Variants in RNF145 observed in about 807,000 individuals in gnomAD.
RNF145 encodes ring finger protein 145.
A neutral mutation model predicts 57.3 loss-of-function variants in RNF145; 12 were observed. The observed-to-expected ratio is 0.21, with a 90% CI of 0.13 to 0.34. RNF145 has a LOEUF of 0.34. Ranked by LOEUF, RNF145 falls within the 10% of genes least tolerant of loss-of-function variation. The probability of loss-of-function intolerance (pLI) is 1.00; values close to 1 mark genes in which losing one functional copy is unlikely to be tolerated. For synonymous variants in RNF145, 262 were observed against 288.3 expected (o/e 0.91, Z 0.92); for missense variants, 429 against 799.0 (o/e 0.54, Z 5.58).
At chr5:159,184,500 A>T (rs1784996469) in intron 3 of RNF145, among the ~76,000 whole-genome samples, 2 of 152,224 alleles carry the variant, frequency 1.3e-5, no homozygotes, top group South Asian at 4.1e-4. Flanking sequence ...TCCTATAATT[A>T]TTTAATTATG....
intron 10 of RNF145, among the ~76,000 whole-genome samples, chr5:159,159,670 A>G (rs1784150729): frequency 6.6e-6 from 1 of 152,198 alleles, no homozygotes; most frequent in African/African-American, 2.4e-5. Flanking sequence ...TAACGATGGG[A>G]TTCATAAAAT....
chr5:159,196,926 G>A (rs773386891), intron 2 of RNF145, among the ~76,000 whole-genome samples: 13 of 152,068 alleles, frequency 8.5e-5, no homozygotes, highest in South Asian at 2.1e-4. Context: ...TAAAATCAGC[G>A]GCCAAATCTT....
intron 2 of RNF145, among the ~76,000 whole-genome samples, chr5:159,198,094 T>A (rs1785519060): frequency 6.6e-6 from 1 of 150,894 alleles, no homozygotes; most frequent in African/African-American, 2.4e-5. Flanking sequence ...TACAAAAAAT[T>A]AGCCAGGTGT....
chr5:159,203,214 T>C (rs1281272825), intron 2 of RNF145, among the ~76,000 whole-genome samples: 2 of 152,216 alleles, frequency 1.3e-5, no homozygotes, highest in Admixed American at 1.3e-4. Flanking sequence ...CTTCCAGTTT[T>C]ATCCAGTAAA....
intron 10 of RNF145, among the ~76,000 whole-genome samples, chr5:159,160,966 G>A (rs566943408): frequency 1.1e-4 from 17 of 152,286 alleles, no homozygotes; most frequent in Admixed American, 5.2e-4. Context: ...AATAGTCCGT[G>A]TGAGTGTGTA....
chr5:159,208,399 G>C (rs1785977492), intron 1 of RNF145, among the ~76,000 whole-genome samples: 1 of 152,092 alleles, frequency 6.6e-6, no homozygotes, highest in African/African-American at 2.4e-5. Context: ...CGAACAGAAA[G>C]GGAACTCATT....
intron 8 of RNF145, among the ~76,000 whole-genome samples, chr5:159,167,297 T>C (rs993042060): frequency 6.6e-6 from 1 of 152,226 alleles, no homozygotes; most frequent in African/African-American, 2.4e-5. Flanking sequence ...CTCAGGTTAA[T>C]GCAGCCGCAG....
intron 9 of RNF145, 86 bp from the exon 10 acceptor site, chr5:159,161,708 G>T: frequency 1.3e-6 from 1 of 780,760 alleles, no homozygotes; most frequent in Admixed American, 2.7e-5. Context: ...ACACATTCCT[G>T]ATGTTTTTAG....
intron 4 of RNF145, among the ~76,000 whole-genome samples, chr5:159,177,517 A>G (rs1235710240): frequency 1.3e-5 from 2 of 152,064 alleles, no homozygotes; most frequent in African/African-American, 4.8e-5. Flanking sequence ...TCCTAAGAAC[A>G]CCCTGGGGTA....
chr5:159,185,125 G>A (rs188281736), intron 3 of RNF145, among the ~76,000 whole-genome samples: 11 of 152,158 alleles, frequency 7.2e-5, no homozygotes, highest in Non-Finnish European at 1.2e-4. Flanking sequence ...CCCTTAGAAC[G>A]TTTCCCCTTT....
intron 1 of RNF145, among the ~76,000 whole-genome samples, chr5:159,205,971 A>G (rs1785865837): frequency 6.6e-6 from 1 of 152,196 alleles, no homozygotes; most frequent in Admixed American, 6.5e-5. Context: ...CTGCTAGGGA[A>G]GAAAAACTCC....
intron 6 of RNF145, among the ~76,000 whole-genome samples, chr5:159,170,224 T>C (rs1272138399): frequency 6.6e-6 from 1 of 152,230 alleles, no homozygotes; most frequent in African/African-American, 2.4e-5. Context: ...CATTATAATA[T>C]GAATACTTGC....
At chr5:159,209,901 C>T (rs913873713), upstream of RNF145, 5 of 1,536,080 alleles carry the variant, frequency 3.3e-6, no homozygotes, top group Non-Finnish European at 4.4e-6. Context: ...TGTCCCGGTG[C>T]ATTCGCAGTA....
At position 159,162,726 on chromosome 5, in the gene RNF145, G is replaced by A. The variant is rs140581184; in HGVS notation, c.1269+206C>T. On this transcript the variant is annotated intron_variant, in intron 9 of 10. Coordinates refer to ENST00000424310, the MANE Select transcript of RNF145 (RefSeq NM_001199383.2). ...TGGGATTACAGGCGTGAGCCACCGC[G>A]CCCGGCCGGTTTATGTAATATTTTC... is the stretch of plus-strand genomic sequence containing the variant. 0.011 allele frequency among the ~76,000 whole-genome samples: 1,599 copies of A among 152,222 alleles called. 10 individuals carry two copies. The highest frequency in any genetic ancestry group is 0.02 in the Middle Eastern group (6 of 294).
At chr5:159,199,805 C>T (rs572240412) in intron 2 of RNF145, among the ~76,000 whole-genome samples, 19 of 152,312 alleles carry the variant, frequency 1.2e-4, no homozygotes, top group Non-Finnish European at 2.4e-4. Flanking sequence ...ACCAATATTA[C>T]TTCTACTCCT....
At chr5:159,187,572 C>G (rs921371562) in intron 3 of RNF145, among the ~76,000 whole-genome samples, 2 of 152,050 alleles carry the variant, frequency 1.3e-5, no homozygotes, top group African/African-American at 2.4e-5. Flanking sequence ...TGTGATTCAC[C>G]CGCCTCAGCC....
intron 3 of RNF145, among the ~76,000 whole-genome samples, chr5:159,194,087 T>C (rs1300681585): frequency 1.3e-5 from 2 of 152,182 alleles, no homozygotes; most frequent in Admixed American, 1.3e-4. Flanking sequence ...ACAATATGGC[T>C]AAAGAGATAG....
upstream of RNF145, chr5:159,209,917 G>T (rs1194559453): frequency 6.5e-7 from 1 of 1,535,302 alleles, no homozygotes; most frequent in South Asian, 1.2e-5. Flanking sequence ...CAGTAGCAAT[G>T]ATGCGAGAAT....
intron 4 of RNF145, 122 bp from the exon 5 acceptor site, chr5:159,176,989 C>A: frequency 1.7e-6 from 1 of 590,342 alleles, no homozygotes; most frequent in Non-Finnish European, 3.1e-6. Flanking sequence ...ACTAAAATCT[C>A]GTAGATAATA....
Sources: allele counts gnomAD v4.1 joint callset (sites outside exome capture counted in the v4.1 genomes callset), GRCh38; gene constraint gnomAD v4.1.1; transcripts MANE v1.5; gene names NCBI Gene and HGNC (gene_info 2026-07-23, HGNC 2026-07-21).